The following AUTS2 variants were observed in gnomAD, a reference collection of about 807,000 sequenced individuals.
AUTS2 encodes the protein autism susceptibility gene 2 protein.
A neutral mutation model predicts 112.4 loss-of-function variants in AUTS2; 17 were observed. The observed-to-expected ratio is 0.15, with a 90% CI of 0.10 to 0.23. The LOEUF is 0.23. Ranked by LOEUF, AUTS2 falls within the 10% of genes least tolerant of loss-of-function variation. The probability of loss-of-function intolerance (pLI) is 1.00; values close to 1 mark genes in which losing one functional copy is unlikely to be tolerated. For synonymous variants in AUTS2, 751 were observed against 702.7 expected (o/e 1.07, Z -1.09); for missense variants, 1,510 against 1,701.6 (o/e 0.89, Z 1.98).
chr7:69,833,748 T>G (rs1374063180), intron 1 of AUTS2, among the ~76,000 whole-genome samples: 1 of 152,206 alleles, frequency 6.6e-6, no homozygotes, highest in Non-Finnish European at 1.5e-5. Flanking sequence ...ATCCTGATAT[T>G]TGATCCTGAA....
chr7:70,763,963 G>A (rs1983486), intron 7 of AUTS2, among the ~76,000 whole-genome samples: 135,404 of 152,200 alleles, frequency 0.89, 60,282 homozygotes, highest in Middle Eastern at 0.92. Flanking sequence ...TTACAAAGAA[G>A]CGTCTAAAAA....
chr7:70,237,386 G>A (rs1382778576), intron 4 of AUTS2, among the ~76,000 whole-genome samples: 2 of 152,124 alleles, frequency 1.3e-5, no homozygotes, highest in Non-Finnish European at 2.9e-5. Flanking sequence ...AACAGCAGCT[G>A]TCTCTCATTG....
rs113005275 is a variant in AUTS2 at position 70,655,119 on chromosome 7, G to A, written c.691-43450G>A. Among the ~76,000 whole-genome samples the A allele has an allele frequency of 3.6e-3, 543 of 152,318 alleles. 2 individuals are homozygous for A. Among genetic ancestry groups the A allele is most frequent in the Non-Finnish European group, 6.2e-3 (419 of 68,038 alleles). On this transcript the variant is annotated intron_variant, in intron 5 of 18. Transcript: ENST00000342771. ...AGCCATCACAGCAGCAGGGCCCATT[G>A]CTCTTGGGACATCCCACACTGTAGA...
At chr7:69,929,447 T>C (rs1273708594) in intron 2 of AUTS2, among the ~76,000 whole-genome samples, 1 of 152,098 alleles carries the variant, frequency 6.6e-6, no homozygotes, top group Non-Finnish European at 1.5e-5. Flanking sequence ...TTAAGGTTTT[T>C]TCCCCTTCTC....
At chr7:70,293,951 C>A (rs771410429) in intron 4 of AUTS2, 2 of 152,142 alleles carry the variant, frequency 1.3e-5, no homozygotes, top group South Asian at 2.1e-4. Flanking sequence ...ATTCCTGGCA[C>A]CCCTAAAACT....
intron 5 of AUTS2, among the ~76,000 whole-genome samples, chr7:70,666,023 A>T (rs1807331577): frequency 6.6e-6 from 1 of 152,100 alleles, no homozygotes. Context: ...GAGCTTACTG[A>T]CAAGTGGAAG....
intron 6 of AUTS2, among the ~76,000 whole-genome samples, chr7:70,759,548 G>T (rs1789424720): frequency 6.6e-6 from 1 of 152,214 alleles, no homozygotes; most frequent in Non-Finnish European, 1.5e-5. Flanking sequence ...AGAGGTTGGG[G>T]TCTTCCCTTC....
intron 4 of AUTS2, among the ~76,000 whole-genome samples, chr7:70,412,448 G>T (rs1171612174): frequency 6.6e-6 from 1 of 152,198 alleles, no homozygotes; most frequent in Non-Finnish European, 1.5e-5. Context: ...TCTTCGTAGA[G>T]CAAGGAATCT....
chr7:70,326,445 C>G (rs1019599032), intron 4 of AUTS2, among the ~76,000 whole-genome samples: 1 of 152,202 alleles, frequency 6.6e-6, no homozygotes, highest in Admixed American at 6.5e-5. Context: ...CTAGGAATCT[C>G]TCCTTCAACA....
At chr7:69,634,323 T>C (rs1583979982) in intron 1 of AUTS2, among the ~76,000 whole-genome samples, 1 of 151,918 alleles carries the variant, frequency 6.6e-6, no homozygotes, top group Non-Finnish European at 1.5e-5. Flanking sequence ...GGTTTCACCG[T>C]GTTAGCCAGG....
At position 70,604,055 on chromosome 7, in the gene AUTS2, C is replaced by T. The variant is rs73706193; in HGVS notation, c.691-94514C>T. Among the ~76,000 whole-genome samples the T allele has an allele frequency of 8.1e-3, 1,239 of 152,250 alleles. 16 individuals carry two copies. Among genetic ancestry groups the T allele is most frequent in the African/African-American group, 0.028 (1,166 of 41,542 alleles). On this transcript the variant is annotated intron_variant, in intron 5 of 18. Coordinates refer to ENST00000342771, the MANE Select transcript of AUTS2 (RefSeq NM_015570.4). ...CCCACAATACAAACACACCGTGACC[C>T]GGTGTAAGGTGTTTTGTGGAACTCA... is the stretch of plus-strand genomic sequence containing the variant.
chr7:70,585,711 G>A (rs1343907288), intron 5 of AUTS2, among the ~76,000 whole-genome samples: 2 of 152,040 alleles, frequency 1.3e-5, no homozygotes, highest in Non-Finnish European at 2.9e-5. Context: ...GATCACCCTC[G>A]CTATTACCCA....
At chr7:70,158,667 C>T (rs1419786147) in intron 4 of AUTS2, among the ~76,000 whole-genome samples, 1 of 152,012 alleles carries the variant, frequency 6.6e-6, no homozygotes, top group Non-Finnish European at 1.5e-5. Context: ...GAGTTTGAGT[C>T]TGGAGCTCAG....
chr7:70,612,103 C>A (rs1417229078), intron 5 of AUTS2, among the ~76,000 whole-genome samples: 1 of 152,178 alleles, frequency 6.6e-6, no homozygotes, highest in Non-Finnish European at 1.5e-5. Flanking sequence ...AACACGGGAA[C>A]AAATGACCCC....
At chr7:70,345,020 G>A (rs1791431693) in intron 4 of AUTS2, among the ~76,000 whole-genome samples, 1 of 152,206 alleles carries the variant, frequency 6.6e-6, no homozygotes, top group Non-Finnish European at 1.5e-5. Flanking sequence ...ACTCAGAGAA[G>A]TTTGGAAACA....
chr7:69,803,028 T>C (rs77269615), intron 1 of AUTS2, among the ~76,000 whole-genome samples: 3,280 of 152,306 alleles, frequency 0.022, 115 homozygotes, highest in African/African-American at 0.072. Flanking sequence ...AAAAATGTCG[T>C]TGTCCACATG....
chr7:69,712,123 T>A (rs1798356011), intron 1 of AUTS2, among the ~76,000 whole-genome samples: 1 of 152,180 alleles, frequency 6.6e-6, no homozygotes, highest in Non-Finnish European at 1.5e-5. Flanking sequence ...TACTGTGCTG[T>A]GTTGCTTGTT....
chr7:69,936,447 T>G (rs1584466256), intron 2 of AUTS2, among the ~76,000 whole-genome samples: 1 of 152,254 alleles, frequency 6.6e-6, no homozygotes, highest in East Asian at 1.9e-4. Flanking sequence ...CCTCCTGGGT[T>G]CACGCCATTC....
chr7:70,691,583 G>A (rs528357457), intron 5 of AUTS2, among the ~76,000 whole-genome samples: 90 of 152,098 alleles, frequency 5.9e-4, no homozygotes, highest in African/African-American at 1.2e-3. Flanking sequence ...TCCCATCCCC[G>A]CTTCCAGAAA....
Sources: gnomAD v4.1 joint callset for allele counts (sites outside exome capture counted in the v4.1 genomes callset) on GRCh38, gnomAD v4.1.1 for gene constraint, MANE v1.5 for transcripts, NCBI Gene and HGNC (gene_info 2026-07-23, HGNC 2026-07-21) for gene names.